The following DCHS2 variants were observed in gnomAD, a reference collection of about 807,000 sequenced individuals.
The protein encoded by DCHS2 is dachsous cadherin-related 2.
DCHS2 carries 142 observed loss-of-function variants against 182.4 expected under a neutral mutation model. The observed-to-expected ratio is 0.78, with a 90% CI of 0.68 to 0.89. The LOEUF (loss-of-function observed/expected upper bound fraction) is 0.89. Ranked by LOEUF, DCHS2 falls within the 40% of genes least tolerant of loss-of-function variation. The probability of loss-of-function intolerance (pLI) is 0.00; values close to 1 mark genes in which losing one functional copy is unlikely to be tolerated. For synonymous variants in DCHS2, 1,740 were observed against 1,663.3 expected (o/e 1.05, Z -1.12); for missense variants, 4,319 against 4,198.6 (o/e 1.03, Z -0.79).
chr4:154,251,522 C>T (rs549918590), intron 16 of DCHS2, among the ~76,000 whole-genome samples: 2 of 152,030 alleles, frequency 1.3e-5, no homozygotes, highest in Non-Finnish European at 2.9e-5. Context: ...ACTTGATTTT[C>T]TTTTTCTTTT....
chr4:154,462,714 G>C (rs1042105351), intron 1 of DCHS2, among the ~76,000 whole-genome samples: 2 of 152,006 alleles, frequency 1.3e-5, no homozygotes, highest in African/African-American at 4.8e-5. Flanking sequence ...TAACCAGAAA[G>C]CATTAAACAC....
At chr4:154,376,657 A>G (rs1051811608) in intron 2 of DCHS2, among the ~76,000 whole-genome samples, 5 of 152,196 alleles carry the variant, frequency 3.3e-5, no homozygotes, top group African/African-American at 1.2e-4. Context: ...GTGTCTGCTG[A>G]TGCAATAAGA....
intron 1 of DCHS2, among the ~76,000 whole-genome samples, chr4:154,465,038 T>G (rs953667633): frequency 6.6e-6 from 1 of 152,196 alleles, no homozygotes; most frequent in Non-Finnish European, 1.5e-5. Context: ...CTGCATTAGT[T>G]ATCAGTTGCT....
At chr4:154,309,508 T>TGGTAGCTG (rs1200688213) in intron 10 of DCHS2, among the ~76,000 whole-genome samples, 1 of 152,138 alleles carries the variant, frequency 6.6e-6, no homozygotes, top group East Asian at 1.9e-4. Flanking sequence ...GTATTAGGGG[T>TGGTAGCTG]GGTAGCTGCC....
intron 1 of DCHS2, among the ~76,000 whole-genome samples, chr4:154,393,370 T>C (rs757334232): frequency 2.6e-5 from 4 of 152,172 alleles, no homozygotes; most frequent in Non-Finnish European, 5.9e-5. Context: ...TTGAAAGCTT[T>C]TGGTTGGGGG....
chr4:154,337,022 A>G (rs577774388), intron 3 of DCHS2, among the ~76,000 whole-genome samples: 13 of 152,280 alleles, frequency 8.5e-5, no homozygotes, highest in Admixed American at 2.6e-4. Flanking sequence ...TTAGTACACC[A>G]GCTTTTAGTA....
chr4:154,450,649 AT>A (rs1734492432), intron 1 of DCHS2, among the ~76,000 whole-genome samples: 9 of 152,106 alleles, frequency 5.9e-5, no homozygotes. Context: ...CCTAACCAAC[AT>A]GGTGAAACCC....
intron 3 of DCHS2, among the ~76,000 whole-genome samples, chr4:154,359,947 A>T (rs1246571560): frequency 6.6e-6 from 1 of 152,054 alleles, no homozygotes; most frequent in African/African-American, 2.4e-5. Flanking sequence ...TTGAATCAGT[A>T]GAACCTATAT....
At chr4:154,305,255 C>G in intron 10 of DCHS2, 24 bp from the exon 11 acceptor site, 1 of 1,597,568 alleles carries the variant, frequency 6.3e-7, no homozygotes, top group Non-Finnish European at 8.5e-7. Flanking sequence ...TAAAGAAAAA[C>G]TTAGCAATCA....
chr4:154,368,603 G>A (rs10012717), intron 2 of DCHS2, among the ~76,000 whole-genome samples: 2,796 of 151,396 alleles, frequency 0.018, 84 homozygotes, highest in African/African-American at 0.061. Context: ...CGCAACCTGC[G>A]CCTCCCGGGT....
rs372551366 is a variant in DCHS2, at chr4:154,333,375, C to T, written c.2833G>A (p.Val945Met). ...TGCGCCTGCACCGTGAGCACAACCA[C>T]GGGCTGCGTCTCGTGATCCAGGGGC... ...RKPLDHETQP[V>M]VVLTVQAQLG... The change falls in exon 5 of 20, where the codon GTG (valine) becomes ATG (methionine). Residue 945 changes from valine (V) to methionine (M), a missense_variant. Coordinates refer to ENST00000357232, the MANE Select transcript of DCHS2 (RefSeq NM_001358235.2). 1 of 1,614,178 alleles carries T rather than the reference C, an allele frequency of 6.2e-7. No individual in the cohort carries two copies. The highest frequency in any genetic ancestry group is 2.2e-5 in the East Asian group (1 of 44,878).
At chr4:154,292,075 T>C (rs971296246) in intron 13 of DCHS2, among the ~76,000 whole-genome samples, 8 of 152,162 alleles carry the variant, frequency 5.3e-5, no homozygotes, top group African/African-American at 1.7e-4. Context: ...TAAATATATA[T>C]ACCTACTACA....
chr4:154,318,775 C>T lies in DCHS2; in HGVS notation c.5020+1604G>A, dbSNP rs560496951. Among the ~76,000 whole-genome samples, 3 of 152,168 alleles carry T rather than the reference C, an allele frequency of 2.0e-5. No individual in the cohort carries two copies. In the South Asian group the frequency reaches 6.2e-4, roughly 32 times the overall value. On this transcript the variant is annotated intron_variant, in intron 9 of 19. Coordinates refer to ENST00000357232, the MANE Select transcript of DCHS2 (RefSeq NM_001358235.2). ...ATATTATTAAAATGTTCATACTACC[C>T]AAACTGATCTACAGATTCAATGCAA... is the stretch of plus-strand genomic sequence containing the variant.
intron 1 of DCHS2, among the ~76,000 whole-genome samples, chr4:154,458,840 G>T (rs1734881628): frequency 6.6e-6 from 1 of 152,040 alleles, no homozygotes; most frequent in Admixed American, 6.6e-5. Context: ...GTCCTCTAAG[G>T]TTGCAGTTTC....
At chr4:154,301,566 C>T (rs990409575) in intron 12 of DCHS2, among the ~76,000 whole-genome samples, 13 of 151,982 alleles carry the variant, frequency 8.6e-5, no homozygotes, top group East Asian at 5.8e-4. Flanking sequence ...AGTGCAATGG[C>T]GCAATCTCAG....
rs573401020 is a variant in DCHS2 at position 154,377,503 on chromosome 4, G to C, written c.2053-59C>G. On this transcript the variant is annotated intron_variant, in intron 1 of 19. Coordinates refer to ENST00000357232, the MANE Select transcript of DCHS2 (RefSeq NM_001358235.2). ...AAATGCTAGCATTACTTTTCAGTCAGTCATGAATTATTAAAACAATTTGCA... is the reference window on the plus strand; with the variant it reads ...AAATGCTAGCATTACTTTTCAGTCACTCATGAATTATTAAAACAATTTGCA... 1.7e-5 allele frequency: 24 copies of C among 1,396,780 alleles called. No homozygotes were observed. The East Asian group carries it at 5.1e-4, about 30-fold the overall frequency. The allele number at this position is 1,396,780 out of a possible 1,614,324, so 86.5% of individuals were successfully genotyped here.
In DCHS2 at chr4:154,234,722, G is replaced by C. The variant is rs771129316; in HGVS notation, c.9930C>G (p.Arg3310=). The change falls in exon 20 of 20, where the codon CGC becomes CGG. Residue 3310 remains arginine (R), a synonymous_variant. Coordinates refer to ENST00000357232, the MANE Select transcript of DCHS2 (RefSeq NM_001358235.2). ...AACCAAGATGGTAGGGGATGGGAGA[G>C]CGTGGGTGTTTCGGAGGCACCTGCC... The part of the protein sequence containing the change: ...NLGQVPPKHP[R]SPIPYHLGSL... 1 of 1,613,854 alleles carries C rather than the reference G, an allele frequency of 6.2e-7. No individual in the cohort carries two copies. Among genetic ancestry groups the C allele is most frequent in the African/African-American group, 1.3e-5 (1 of 74,874 alleles).
rs562722691 is a variant in DCHS2 at position 154,232,805 on chromosome 4, A to G, written c.*1731T>C. The G allele has an allele frequency of 1.3e-5, 2 of 152,064 alleles. No individual in the cohort carries two copies. Among genetic ancestry groups the G allele is most frequent in the Non-Finnish European group, 2.9e-5 (2 of 67,990 alleles). The allele number at this position is 152,064 out of a possible 1,614,324, so 9.4% of individuals were successfully genotyped here. A position where few individuals can be genotyped will look rare whatever the true frequency, so the allele number is the denominator to read the frequency against. On this transcript the variant is annotated 3_prime_UTR_variant, in exon 20 of 20. Transcript: ENST00000357232. Reference sequence around the variant, plus strand: ...AAGAAAAGGAGAAACATCATATATCAGTCCCATAGTATTTAAATTTTCTAC... The same window carrying G: ...AAGAAAAGGAGAAACATCATATATCGGTCCCATAGTATTTAAATTTTCTAC...
intron 1 of DCHS2, among the ~76,000 whole-genome samples, chr4:154,452,827 A>G (rs560770313): frequency 4.6e-5 from 7 of 152,238 alleles, no homozygotes; most frequent in Non-Finnish European, 7.3e-5. Context: ...CAAATTGAGT[A>G]TGATAGAACC....
Sources: gnomAD v4.1 joint callset for allele counts (sites outside exome capture counted in the v4.1 genomes callset) on GRCh38, gnomAD v4.1.1 for gene constraint, MANE v1.5 for transcripts, NCBI Gene and HGNC (gene_info 2026-07-23, HGNC 2026-07-21) for gene names.